NXNL2: variants seen among roughly 807,000 people sequenced by gnomAD.
The protein encoded by NXNL2 is nucleoredoxin like 2.
A neutral mutation model predicts 11.1 loss-of-function variants in NXNL2; 7 were observed. The observed-to-expected ratio is 0.63, with a 90% CI of 0.36 to 1.18. The LOEUF is 1.18. Ranked by LOEUF, NXNL2 falls within the 50% of genes most tolerant of loss-of-function variation. The pLI, the probability that NXNL2 is intolerant of heterozygous loss-of-function variation, is 0.02. For synonymous variants in NXNL2, 109 were observed against 101.8 expected (o/e 1.07, Z -0.42); for missense variants, 233 against 217.7 (o/e 1.07, Z -0.44).
chr9:88,564,406 T>G (rs1035761098), intron 1 of NXNL2, among the ~76,000 whole-genome samples: 5 of 152,000 alleles, frequency 3.3e-5, no homozygotes, highest in Admixed American at 3.3e-4. Context: ...CATATCTATC[T>G]ATTTATATAT....
At chr9:88,562,519 G>C (rs1033370605) in intron 1 of NXNL2, among the ~76,000 whole-genome samples, 2 of 152,112 alleles carry the variant, frequency 1.3e-5, no homozygotes, top group African/African-American at 4.8e-5. Context: ...TTGGGAGGCC[G>C]AGGTGGGTGG....
chr9:88,577,148 G>A (rs190245295), downstream of NXNL2, among the ~76,000 whole-genome samples: 316 of 152,286 alleles, frequency 2.1e-3, 1 homozygote, highest in Non-Finnish European at 3.6e-3. Context: ...TCCAGAGAGG[G>A]AGGTCTGTCA....
chr9:88,541,604 G>C lies in NXNL2; in HGVS notation c.303-2775G>C, dbSNP rs559526263. On this transcript the variant is annotated intron_variant, in intron 1 of 1. Transcript: ENST00000375854. ...ACATTTTAGTGTTTCCTGAGAACCAGGTTGGGTTTTATTGGTCACCCCATG... is the reference window on the plus strand; with the variant it reads ...ACATTTTAGTGTTTCCTGAGAACCACGTTGGGTTTTATTGGTCACCCCATG... Among the ~76,000 whole-genome samples, 24 of 152,322 alleles carry C rather than the reference G, an allele frequency of 1.6e-4. No individual in the cohort carries two copies. The South Asian group carries it at 3.7e-3, about 24-fold the overall frequency.
chr9:88,574,494 G>C (rs1395689587), intron 2 of NXNL2, among the ~76,000 whole-genome samples: 29 of 152,128 alleles, frequency 1.9e-4, no homozygotes, highest in Admixed American at 1.9e-3. Context: ...AAGCAAGGAG[G>C]GGGCTTCCAA....
intron 1 of NXNL2, 102 bp from the exon 2 acceptor site, chr9:88,544,277 C>T: frequency 9.7e-7 from 1 of 1,031,376 alleles, no homozygotes; most frequent in Non-Finnish European, 1.4e-6. Flanking sequence ...CACCTGGTGG[C>T]TTCCTCCAAG....
At chr9:88,536,870 A>G (rs1379869284) in intron 1 of NXNL2, among the ~76,000 whole-genome samples, 1 of 152,216 alleles carries the variant, frequency 6.6e-6, no homozygotes, top group Non-Finnish European at 1.5e-5. Context: ...AGTTCTATTG[A>G]TAATGAATCT....
At chr9:88,559,907 C>T (rs1262326370) in intron 1 of NXNL2, among the ~76,000 whole-genome samples, 1 of 152,156 alleles carries the variant, frequency 6.6e-6, no homozygotes, top group Admixed American at 6.5e-5. Flanking sequence ...AAAGGTTTGG[C>T]TGAAGTGGGA....
intron 1 of NXNL2, among the ~76,000 whole-genome samples, chr9:88,553,386 C>T (rs867517710): frequency 6.6e-6 from 1 of 151,814 alleles, no homozygotes; most frequent in African/African-American, 2.4e-5. Context: ...AACAAAAAAC[C>T]CATGCTTCTC....
chr9:88,563,898 C>T (rs942350521), intron 1 of NXNL2, among the ~76,000 whole-genome samples: 1 of 152,064 alleles, frequency 6.6e-6, no homozygotes, highest in Admixed American at 6.6e-5. Context: ...TGACTTCTAG[C>T]GTGCTTGAGT....
chr9:88,564,272 A>G lies in NXNL2; in HGVS notation c.303-6815A>G, dbSNP rs200016359. On this transcript the variant is annotated intron_variant, in intron 1 of 2. Coordinates refer to the NXNL2 transcript ENST00000375855. ...TATCTATCTATCTATCTATCTGTCT[A>G]TCTATCTATCTATTATCTATCTATC... Among the ~76,000 whole-genome samples the G allele has an allele frequency of 3.2e-4, 41 of 127,984 alleles. No homozygotes were observed. The East Asian group carries it at 6.2e-3, about 19-fold the overall frequency. The allele number at this position is 127,984 out of a possible 152,430, so 84.0% of individuals were successfully genotyped here. A position where few individuals can be genotyped will look rare whatever the true frequency, so the allele number is the denominator to read the frequency against.
intron 1 of NXNL2, among the ~76,000 whole-genome samples, chr9:88,581,130 CT>C (rs1564079434): frequency 1.3e-5 from 2 of 152,202 alleles, no homozygotes; most frequent in Admixed American, 6.5e-5. Context: ...TGTAATTAAT[CT>C]GTATCTCCAT....
chr9:88,550,946 T>C (rs1048004093), intron 1 of NXNL2, among the ~76,000 whole-genome samples: 5 of 152,178 alleles, frequency 3.3e-5, no homozygotes, highest in African/African-American at 1.2e-4. Context: ...TTTTCTAGGT[T>C]GCTTATTTAC....
At chr9:88,582,623 C>T (rs1003985680) in intron 1 of NXNL2, among the ~76,000 whole-genome samples, 9 of 151,882 alleles carry the variant, frequency 5.9e-5, no homozygotes, top group African/African-American at 2.2e-4. Flanking sequence ...TTCCTTCCTT[C>T]CTTCCTCCCT....
At chr9:88,580,155 T>C (rs78241989), downstream of NXNL2, among the ~76,000 whole-genome samples, 2 of 108,156 alleles carry the variant, frequency 1.8e-5, no homozygotes, top group Admixed American at 2.0e-4. Flanking sequence ...AAAAAATTCT[T>C]TTTTTTTTTT....
At chr9:88,551,630 C>A (rs1220811497) in intron 1 of NXNL2, among the ~76,000 whole-genome samples, 1 of 152,030 alleles carries the variant, frequency 6.6e-6, no homozygotes, top group Non-Finnish European at 1.5e-5. Flanking sequence ...TTCTGTTCAC[C>A]CCAAGTGGCT....
At chr9:88,549,356 C>G (rs1221383711), downstream of NXNL2, among the ~76,000 whole-genome samples, 2 of 152,156 alleles carry the variant, frequency 1.3e-5, no homozygotes, top group African/African-American at 2.4e-5. Flanking sequence ...TCTTTCTTGT[C>G]ATTCTGTTTC....
Position 88,544,621 on chromosome 9 carries a change from T to C in NXNL2, c.*74T>C, listed in dbSNP as rs1352519166. On this transcript the variant is annotated 3_prime_UTR_variant, in exon 2 of 2. Coordinates refer to ENST00000375854, the MANE Select transcript of NXNL2 (RefSeq NM_001161625.2). ...CGACGCTGGGGCAAAGAGGAGCATG[T>C]TGGGTTCCTTCCTCTGTTGGTGTGA... is the stretch of plus-strand genomic sequence containing the variant. The C allele has an allele frequency of 1.4e-6, 2 of 1,450,988 alleles. No individual in the cohort carries two copies. The highest frequency in any genetic ancestry group is 1.8e-6 in the Non-Finnish European group (2 of 1,098,862). 89.9% of individuals were successfully genotyped at this position (1,450,988 alleles called of 1,614,324 possible). A position where few individuals can be genotyped will look rare whatever the true frequency, so the allele number is the denominator to read the frequency against.
downstream of NXNL2, among the ~76,000 whole-genome samples, chr9:88,548,721 G>C (rs551214265): frequency 6.6e-6 from 1 of 151,174 alleles, no homozygotes; most frequent in African/African-American, 2.4e-5. Flanking sequence ...TTATCTGGCT[G>C]TTTGCTTTGT....
intron 1 of NXNL2, among the ~76,000 whole-genome samples, chr9:88,542,288 T>A (rs9792557): frequency 0.12 from 18,841 of 151,506 alleles, 2,540 homozygotes; most frequent in East Asian, 0.76. Flanking sequence ...AAATATATAT[T>A]TTTTTATTTT....
Sources: gnomAD v4.1 joint callset for allele counts (sites outside exome capture counted in the v4.1 genomes callset) on GRCh38, gnomAD v4.1.1 for gene constraint, MANE v1.5 for transcripts, NCBI Gene and HGNC (gene_info 2026-07-23, HGNC 2026-07-21) for gene names.